LVRN: variants seen among roughly 807,000 people sequenced by gnomAD.
The protein encoded by LVRN is laeverin.
Under a neutral mutation model 111.4 loss-of-function variants are expected in LVRN, and 99 were observed. That is an observed-to-expected ratio of 0.89 (90% confidence interval 0.76 to 1.05). The LOEUF (loss-of-function observed/expected upper bound fraction) is 1.05, where lower values mean the gene tolerates loss of function less well. Among genes scored for constraint, LVRN ranks in the 50% least tolerant of loss-of-function variants. LVRN has a pLI of 0.00. For missense variants in LVRN, 1,414 were observed against 1,206.8 expected (o/e 1.17, Z -2.54); for synonymous variants, 488 against 449.5 (o/e 1.09, Z -1.08).
intron 1 of LVRN, among the ~76,000 whole-genome samples, chr5:115,980,603 C>A (rs1341733528): frequency 6.6e-6 from 1 of 152,060 alleles, no homozygotes; most frequent in African/African-American, 2.4e-5. Flanking sequence ...AAAAGTTTCC[C>A]ACTTCCTTAA....
At chr5:115,966,218 C>T (rs543082037) in intron 1 of LVRN, among the ~76,000 whole-genome samples, 5 of 152,196 alleles carry the variant, frequency 3.3e-5, no homozygotes, top group Non-Finnish European at 7.3e-5. Flanking sequence ...TTTATGCACT[C>T]ATACCACTCC....
At chr5:116,013,617 C>A (rs1748536125) in intron 15 of LVRN, among the ~76,000 whole-genome samples, 1 of 152,054 alleles carries the variant, frequency 6.6e-6, no homozygotes, top group Non-Finnish European at 1.5e-5. Context: ...GGACCTCCAC[C>A]CTTGCACATT....
rs377204988 is a variant in LVRN, at chr5:116,018,459, G to C, written c.2756+2694G>C. On this transcript the variant is annotated intron_variant, in intron 18 of 19. Coordinates refer to ENST00000357872, the MANE Select transcript of LVRN (RefSeq NM_173800.5). ...AGGCTGAGGCAGGCAGATCACCTGA[G>C]GTCGGGAGTTCGTGACCAGCCTGAC... Among the ~76,000 whole-genome samples, 7 of 152,116 alleles carry C rather than the reference G, an allele frequency of 4.6e-5. No homozygotes were observed. The East Asian group carries it at 5.8e-4, about 13-fold the overall frequency.
rs745662792 is a variant in LVRN, at chr5:116,012,392, CTT to C, written c.2267_2268del (p.Leu756GlnfsTer13). 8 of 1,505,482 alleles carry C rather than the reference CTT, an allele frequency of 5.3e-6. No individual in the cohort carries two copies. In the African/African-American group the frequency reaches 1.1e-4, roughly 21 times the overall value. 93.3% of individuals were successfully genotyped at this position (1,505,482 alleles called of 1,614,324 possible). A position where few individuals can be genotyped will look rare whatever the true frequency, so the allele number is the denominator to read the frequency against. ...SLLKRYLLKR[L>X]NLIWNIYSTI... is the part of the protein sequence containing the mutation. ...TTTATAGAGGTACCTATTAAAGAGACTTAATTTAATATGGAATATTTATTCAA... is the reference window on the plus strand; with the variant it reads ...TTTATAGAGGTACCTATTAAAGAGACAATTTAATATGGAATATTTATTCAA... On this transcript the variant is annotated frameshift_variant, in exon 15 of 20. Transcript: ENST00000357872. LOFTEE classifies it high-confidence loss of function.
chr5:115,975,456 G>T (rs917535653), intron 1 of LVRN: 3 of 183,990 alleles, frequency 1.6e-5, no homozygotes, highest in Non-Finnish European at 3.3e-5. Flanking sequence ...TAAAGAGTTA[G>T]CTCCTGAGTG....
intron 1 of LVRN, among the ~76,000 whole-genome samples, chr5:115,982,984 G>T (rs1180232713): frequency 6.6e-6 from 1 of 152,132 alleles, no homozygotes; most frequent in Non-Finnish European, 1.5e-5. Context: ...GACTGATGTT[G>T]CATATTCGCT....
chr5:115,981,179 C>T (rs1365531679), intron 1 of LVRN, among the ~76,000 whole-genome samples: 1 of 152,142 alleles, frequency 6.6e-6, no homozygotes, highest in Non-Finnish European at 1.5e-5. Flanking sequence ...AAAACAAATG[C>T]CATTATAACA....
At chr5:115,965,726 C>T (rs2112545223) in intron 1 of LVRN, among the ~76,000 whole-genome samples, 1 of 152,144 alleles carries the variant, frequency 6.6e-6, no homozygotes, top group East Asian at 1.9e-4. Flanking sequence ...TTTTATGAGC[C>T]TCTGGCATTT....
At position 115,992,258 on chromosome 5, in the gene LVRN, C is replaced by T; in HGVS notation, c.1241C>T (p.Ser414Phe). 1.2e-6 allele frequency: 2 copies of T among 1,613,768 alleles called. No individual in the cohort carries two copies. Among genetic ancestry groups the T allele is most frequent in the Non-Finnish European group, 1.7e-6 (2 of 1,179,856 alleles). Reference sequence around the variant, plus strand: ...AAGACTCTGATCTCCTATGTTGTCTCCCACGAGATTGGACACCAGGCATGT... The same window carrying T: ...AAGACTCTGATCTCCTATGTTGTCTTCCACGAGATTGGACACCAGGCATGT... ...EKKTLISYVVSHEIGHQWFGN... is the reference protein window; with the variant it reads ...EKKTLISYVVFHEIGHQWFGN... Residue 414 changes from serine to phenylalanine, a missense_variant, in exon 5 of 20, where the codon TCC (serine) becomes TTC (phenylalanine). By Grantham distance (155) the Ser-to-Phe change is radical. Coordinates refer to ENST00000357872, the MANE Select transcript of LVRN (RefSeq NM_173800.5).
At chr5:116,007,645 G>T (rs1253576317) in intron 13 of LVRN, among the ~76,000 whole-genome samples, 1 of 152,172 alleles carries the variant, frequency 6.6e-6, no homozygotes, top group Admixed American at 6.5e-5. Flanking sequence ...TGGTAGGCAA[G>T]TGCAGTGTCA....
chr5:115,975,108 C>A (rs951677910), intron 1 of LVRN: 7 of 390,868 alleles, frequency 1.8e-5, no homozygotes, highest in Non-Finnish European at 3.4e-5. Flanking sequence ...CCAGCATAGA[C>A]AAGCATGGGC....
At position 115,973,517 on chromosome 5, in the gene LVRN, A is replaced by G. The variant is rs1188954465; in HGVS notation, c.696-9770A>G. Among the ~76,000 whole-genome samples, 3 of 152,184 alleles carry G rather than the reference A, an allele frequency of 2.0e-5. No individual in the cohort carries two copies. In the East Asian group the frequency reaches 5.8e-4, roughly 29 times the overall value. On this transcript the variant is annotated intron_variant, in intron 1 of 19. Transcript: ENST00000357872. Reference sequence around the variant, plus strand: ...TTAACCGTCTGATTGAATTTCACCCATGAGGCTCTCTGGGCCTAGAAATTC... The same window carrying G: ...TTAACCGTCTGATTGAATTTCACCCGTGAGGCTCTCTGGGCCTAGAAATTC...
At chr5:115,975,844 T>C (rs557753380) in intron 1 of LVRN, 11 of 153,470 alleles carry the variant, frequency 7.2e-5, no homozygotes, top group Non-Finnish European at 1.5e-4. Flanking sequence ...TAAAAGGTTT[T>C]CTCAATTGGT....
intron 1 of LVRN, among the ~76,000 whole-genome samples, chr5:115,980,981 C>T (rs772057790): frequency 2.6e-5 from 4 of 152,102 alleles, no homozygotes; most frequent in Non-Finnish European, 5.9e-5. Context: ...AGATCATCTA[C>T]ATTTCATAGA....
intron 1 of LVRN, 25 bp downstream of exon 1, chr5:115,963,337 C>T (rs1445618492): frequency 6.5e-7 from 1 of 1,531,838 alleles, no homozygotes; most frequent in Non-Finnish European, 8.8e-7. Flanking sequence ...GCCCGGGGCC[C>T]CTCTCGGCCC....
chr5:116,000,766 CTTG>C (rs1748221352), intron 9 of LVRN, 108 bp downstream of exon 9: 17 of 1,239,776 alleles, frequency 1.4e-5, no homozygotes, highest in Admixed American at 2.1e-5. Context: ...ACAGCTTTGT[CTTG>C]TTGTAGAACT....
intron 1 of LVRN, among the ~76,000 whole-genome samples, chr5:115,978,682 T>C (rs189781321): frequency 2.6e-5 from 4 of 152,316 alleles, no homozygotes; most frequent in East Asian, 1.9e-4. Context: ...CTCCCTACTC[T>C]TGGGCTAGTT....
In LVRN at chr5:116,000,606, C is replaced by T; in HGVS notation, c.1595C>T (p.Thr532Ile). 1.9e-6 allele frequency: 3 copies of T among 1,613,962 alleles called. No individual in the cohort carries two copies. Among genetic ancestry groups the T allele is most frequent in the Non-Finnish European group, 1.7e-6 (2 of 1,179,896 alleles). ...CTATTTTTACAGTCATATTTGAAGA[C>T]ATTTTCCTACTCAAACGCTGAGCAA... ...FVSALKSYLK[T>I]FSYSNAEQDD... is the part of the protein sequence containing the mutation. Residue 532 changes from threonine to isoleucine, a missense_variant, in exon 9 of 20, where the codon ACA (threonine) becomes ATA (isoleucine). Thr to Ile is a moderately conservative substitution (Grantham distance 89, BLOSUM62 -1). Coordinates refer to ENST00000357872, the MANE Select transcript of LVRN (RefSeq NM_173800.5).
chr5:116,026,453 C>T lies in LVRN; in HGVS notation c.*335C>T, dbSNP rs1289324246. On this transcript the variant is annotated 3_prime_UTR_variant, in exon 20 of 20. Coordinates refer to ENST00000357872, the MANE Select transcript of LVRN (RefSeq NM_173800.5). ...GCGAAGGCCAGTGGAATATAAAAAT[C>T]AATGGCATTAATGAGGAGCACATTC... 3.1e-6 allele frequency: 1 copy of T among 323,526 alleles called. No homozygotes were observed. Among genetic ancestry groups the T allele is most frequent in the Non-Finnish European group, 5.8e-6 (1 of 171,370 alleles). 20.0% of individuals were successfully genotyped at this position (323,526 alleles called of 1,614,324 possible).
Sources: gnomAD v4.1 joint callset for allele counts (sites outside exome capture counted in the v4.1 genomes callset) on GRCh38, gnomAD v4.1.1 for gene constraint, MANE v1.5 for transcripts, NCBI Gene and HGNC (gene_info 2026-07-23, HGNC 2026-07-21) for gene names.